Variants in ANO10 observed in about 807,000 individuals in gnomAD.
The protein encoded by ANO10 is anoctamin 10, also known as anoctamin-10.
ANO10 carries 77 observed loss-of-function variants against 74.7 expected under a neutral mutation model. That is an observed-to-expected ratio of 1.03 (90% confidence interval 0.86 to 1.25). The LOEUF is 1.25. Among genes scored for constraint, ANO10 ranks in the 50% most tolerant of loss-of-function variants. The pLI is 0.00. For missense variants in ANO10, 721 were observed against 778.1 expected, an observed-to-expected ratio of 0.93 and a Z score of 0.87; for synonymous variants, 279 against 284.9, an observed-to-expected ratio of 0.98 and a Z score of 0.21.
At chr3:43,567,439 T>G (rs2080427412) in intron 7 of ANO10, among the ~76,000 whole-genome samples, 1 of 150,928 alleles carries the variant, frequency 6.6e-6, no homozygotes, top group African/African-American at 2.4e-5. Context: ...CAGAGAAAGG[T>G]CGGGTTACCC....
At chr3:43,560,373 G>A (rs1023844459) in intron 9 of ANO10, among the ~76,000 whole-genome samples, 6 of 152,090 alleles carry the variant, frequency 3.9e-5, no homozygotes, top group African/African-American at 1.2e-4. Flanking sequence ...TACTCAACAT[G>A]AACATACAAA....
chr3:43,422,358 G>A (rs1485412370), intron 12 of ANO10, among the ~76,000 whole-genome samples: 1 of 152,084 alleles, frequency 6.6e-6, no homozygotes, highest in Non-Finnish European at 1.5e-5. Flanking sequence ...CTTGTGGTCC[G>A]CCTGCCTCAG....
Position 43,386,616 on chromosome 3 carries a change from C to T in ANO10, c.1915-19642G>A, listed in dbSNP as rs145068762. Among the ~76,000 whole-genome samples, 173 of 151,088 alleles carry T rather than the reference C, an allele frequency of 1.1e-3. No individual in the cohort carries two copies. The East Asian group carries it at 0.029, about 25-fold the overall frequency. ...GGCTGCTCCATGGTGTCTGAGAAAACGGGCTTTTTGAAAGTTGTGTGTAGG... is the reference window on the plus strand; with the variant it reads ...GGCTGCTCCATGGTGTCTGAGAAAATGGGCTTTTTGAAAGTTGTGTGTAGG... On this transcript the variant is annotated intron_variant, in intron 12 of 12. Transcript: ENST00000292246.
At chr3:43,570,435 A>G (rs1173843642) in intron 7 of ANO10, among the ~76,000 whole-genome samples, 1 of 151,352 alleles carries the variant, frequency 6.6e-6, no homozygotes, top group Non-Finnish European at 1.5e-5. Flanking sequence ...TTCAAACTAT[A>G]CTACAAGGCT....
chr3:43,393,760 A>G (rs188533138), intron 12 of ANO10, among the ~76,000 whole-genome samples: 1 of 152,234 alleles, frequency 6.6e-6, no homozygotes, highest in Admixed American at 6.5e-5. Flanking sequence ...GATGTTGGGA[A>G]GCAAGCAAGC....
intron 11 of ANO10, among the ~76,000 whole-genome samples, chr3:43,504,647 T>A (rs927686446): frequency 6.6e-6 from 1 of 151,952 alleles, no homozygotes; most frequent in Non-Finnish European, 1.5e-5. Flanking sequence ...TAATTATTTA[T>A]TTATTTTTTT....
At chr3:43,451,677 T>A (rs2074883596) in intron 11 of ANO10, among the ~76,000 whole-genome samples, 2 of 152,228 alleles carry the variant, frequency 1.3e-5, no homozygotes, top group Admixed American at 6.5e-5. Context: ...ACAATTTTTT[T>A]GCACACAAGG....
intron 12 of ANO10, among the ~76,000 whole-genome samples, chr3:43,378,720 T>C (rs757318335): frequency 5.3e-5 from 8 of 152,172 alleles, no homozygotes; most frequent in Non-Finnish European, 1.2e-4. Context: ...CCCTGGGTGA[T>C]GACGGCTGTG....
chr3:43,372,350 T>A (rs188251352), intron 12 of ANO10, among the ~76,000 whole-genome samples: 331 of 152,216 alleles, frequency 2.2e-3, no homozygotes, highest in Non-Finnish European at 4.3e-3. Context: ...CCCCAGACCA[T>A]CCCACTCTTG....
chr3:43,619,990 TTG>T (rs1049946730), intron 1 of ANO10, among the ~76,000 whole-genome samples: 78 of 152,264 alleles, frequency 5.1e-4, no homozygotes, highest in African/African-American at 1.8e-3. Context: ...ATGAGATTTA[TTG>T]TGAGCTTTTA....
intron 12 of ANO10, among the ~76,000 whole-genome samples, chr3:43,369,948 C>A (rs1389045830): frequency 6.6e-6 from 1 of 152,188 alleles, no homozygotes; most frequent in Admixed American, 6.5e-5. Flanking sequence ...GGAGTCAGAG[C>A]CACAGATACT....
chr3:43,632,732 G>C lies in ANO10; in HGVS notation c.-11-26869C>G, dbSNP rs994760543. The stretch of plus-strand genomic sequence containing the variant: ...ACTACACAGTTTCTATAATAGACTT[G>C]ACTGCCATCCTAAACTCTTCCCAAC... On this transcript the variant is annotated intron_variant, in intron 1 of 3. Coordinates refer to the ANO10 transcript ENST00000413397. Among the ~76,000 whole-genome samples the C allele has an allele frequency of 2.6e-5, 4 of 152,300 alleles. 1 individual carries two copies. In the South Asian group the frequency reaches 6.2e-4, roughly 24 times the overall value.
At chr3:43,464,331 A>G (rs577479164) in intron 11 of ANO10, among the ~76,000 whole-genome samples, 175 of 152,332 alleles carry the variant, frequency 1.1e-3, no homozygotes, top group African/African-American at 3.9e-3. Flanking sequence ...AAAATATTAG[A>G]ACATCAAATC....
chr3:43,408,605 G>C (rs1404840445), intron 12 of ANO10, among the ~76,000 whole-genome samples: 2 of 152,214 alleles, frequency 1.3e-5, no homozygotes, highest in Admixed American at 1.3e-4. Flanking sequence ...GGAGGCCTCA[G>C]TGTTCTCTGA....
chr3:43,501,055 T>C lies in ANO10; in HGVS notation c.1797+48665A>G, dbSNP rs1055985283. Among the ~76,000 whole-genome samples the C allele has an allele frequency of 4.6e-5, 7 of 152,174 alleles. No individual in the cohort carries two copies. In the Middle Eastern group the frequency reaches 9.5e-3, roughly 206 times the overall value. The stretch of plus-strand genomic sequence containing the variant: ...ATGCCATCGTCCATTAGTATAGCTA[T>C]GAAGAAATACCTGAGGCTGGGTAAT... On this transcript the variant is annotated intron_variant, in intron 11 of 12. Transcript: ENST00000292246.
intron 1 of ANO10, among the ~76,000 whole-genome samples, chr3:43,627,767 G>T (rs1414390902): frequency 2.6e-5 from 4 of 152,082 alleles, no homozygotes; most frequent in Non-Finnish European, 5.9e-5. Context: ...TAAAGAAACT[G>T]TTGTTTCTTC....
rs1021512882 is a variant in ANO10, at chr3:43,658,986, T to G, written c.-12+32531A>C. Among the ~76,000 whole-genome samples the G allele has an allele frequency of 2.0e-5, 3 of 152,200 alleles. No homozygotes were observed. The South Asian group carries it at 6.2e-4, about 31-fold the overall frequency. ...AGCATTAAGTTGAATATTTATATTT[T>G]GTGCACTTTTCTGTATATGTATTTT... is the stretch of plus-strand genomic sequence containing the variant. On this transcript the variant is annotated intron_variant, in intron 1 of 3. Transcript: ENST00000413397.
intron 11 of ANO10, among the ~76,000 whole-genome samples, chr3:43,495,922 C>T (rs1479558908): frequency 3.9e-5 from 6 of 151,998 alleles, no homozygotes; most frequent in African/African-American, 7.3e-5. Flanking sequence ...AGGATGGTCT[C>T]GATCTCCTGA....
At chr3:43,385,760 G>T (rs777427836) in intron 12 of ANO10, among the ~76,000 whole-genome samples, 1 of 144,700 alleles carries the variant, frequency 6.9e-6, no homozygotes, top group Admixed American at 6.9e-5. Flanking sequence ...GGAAAGGATG[G>T]GGGGGAAGGA....
Sources: gnomAD v4.1 joint callset for allele counts (sites outside exome capture counted in the v4.1 genomes callset) on GRCh38, gnomAD v4.1.1 for gene constraint, MANE v1.5 for transcripts, NCBI Gene and HGNC (gene_info 2026-07-23, HGNC 2026-07-21) for gene names.